Variants in MED1 observed in about 807,000 individuals in gnomAD.
MED1 encodes mediator complex subunit 1.
In MED1, 17 loss-of-function variants were observed where a neutral mutation model predicts 121.3. The observed-to-expected ratio is 0.14, with a 90% CI of 0.10 to 0.21. The LOEUF is 0.21. Among genes scored for constraint, MED1 ranks in the 10% least tolerant of loss-of-function variants. MED1 has a pLI of 1.00. For missense variants in MED1, 1,558 were observed against 1,919.4 expected (o/e 0.81, Z 3.52); for synonymous variants, 661 against 694.4 (o/e 0.95, Z 0.76).
At chr17:39,432,437 G>A (rs1418601814) in intron 7 of MED1, among the ~76,000 whole-genome samples, 1 of 151,064 alleles carries the variant, frequency 6.6e-6, no homozygotes, top group Non-Finnish European at 1.5e-5. Context: ...TAAATTGAAG[G>A]CAAAAATATA....
intron 14 of MED1, among the ~76,000 whole-genome samples, chr17:39,418,964 T>A (rs2048435876): frequency 6.6e-6 from 1 of 151,580 alleles, no homozygotes; most frequent in South Asian, 2.1e-4. Context: ...ATTTTTGTAT[T>A]TTTAGTAGAG....
Position 39,406,180 on chromosome 17 carries a change from T to C in MED1, c.*1295A>G. The C allele has an allele frequency of 1.0e-6, 1 of 985,470 alleles. No individual in the cohort carries two copies. Among genetic ancestry groups the C allele is most frequent in the Non-Finnish European group, 1.2e-6 (1 of 829,914 alleles). 61.0% of individuals were successfully genotyped at this position (985,470 alleles called of 1,614,324 possible). On this transcript the variant is annotated 3_prime_UTR_variant, in exon 17 of 17. Transcript: ENST00000300651. ...ATTTCTCCAAAAAGGTCCAATTGGG[T>C]TGCTACATAGTAGCAAGGGTTTATC... is the stretch of plus-strand genomic sequence containing the variant.
chr17:39,410,501 T>C lies in MED1; in HGVS notation c.1720A>G (p.Thr574Ala). 6.2e-7 allele frequency: 1 copy of C among 1,613,988 alleles called. No individual in the cohort carries two copies. Among genetic ancestry groups the C allele is most frequent in the Non-Finnish European group, 8.5e-7 (1 of 1,180,004 alleles). The change falls in exon 17 of 17, where the codon ACC becomes GCC. Residue 574 changes from threonine (T) to alanine (A), a missense_variant. Around this residue, in one of 5 missense-constraint regions of MED1, gnomAD observed 793 missense variants for 898.2 expected, o/e 0.88. Transcript: ENST00000300651. ...TNTFPGGPITTLFNMSMSIKD... is the reference protein window; with the variant it reads ...TNTFPGGPITALFNMSMSIKD... ...ATGCTCATGCTCATATTAAACAAGG[T>C]GGTAATGGGACCCCCCGGAAAGGTG...
rs1399073338 is a variant in MED1 at position 39,406,484 on chromosome 17, T to C, written c.*991A>G. ...AATCCTGTAATGGTTTTCATGCCACTGGGTCAGGAAGGCTGTCCTACACTA... is the reference window on the plus strand; with the variant it reads ...AATCCTGTAATGGTTTTCATGCCACCGGGTCAGGAAGGCTGTCCTACACTA... On this transcript the variant is annotated 3_prime_UTR_variant, in exon 17 of 17. Transcript: ENST00000300651. 4.1e-6 allele frequency: 4 copies of C among 985,226 alleles called. No homozygotes were observed. The highest frequency in any genetic ancestry group is 1.7e-5 in the African/African-American group (1 of 57,160). 61.0% of individuals were successfully genotyped at this position (985,226 alleles called of 1,614,324 possible). A position where few individuals can be genotyped will look rare whatever the true frequency, so the allele number is the denominator to read the frequency against.
Position 39,440,446 on chromosome 17 carries a change from C to T in MED1, c.339G>A (p.Gln113=). Residue 113 remains glutamine, a synonymous_variant, in exon 5 of 17, where the codon CAG becomes CAA. Coordinates refer to ENST00000300651, the MANE Select transcript of MED1 (RefSeq NM_004774.4). The surrounding 1 kb of genome is among the most constrained non-coding windows in gnomAD (Gnocchi z 4.1). The part of the protein sequence containing the change: ...ITSDMFYVEV[Q]LDPAGQLCDV... ...CACAAAGCTGTCCTGCAGGATCTAA[C>T]TGCACTTCCACATAGAACATATCTG... 2 of 1,595,964 alleles carry T rather than the reference C, an allele frequency of 1.3e-6. No individual in the cohort carries two copies. The highest frequency in any genetic ancestry group is 2.2e-5 in the East Asian group (1 of 44,806).
At chr17:39,430,732 A>C (rs2048558312) in intron 9 of MED1, among the ~76,000 whole-genome samples, 1 of 150,506 alleles carries the variant, frequency 6.6e-6, no homozygotes, top group Admixed American at 6.7e-5. Flanking sequence ...TTAACAAATA[A>C]ATAGGCTGGG....
In MED1 at chr17:39,408,054, C is replaced by G. The variant is rs759993853; in HGVS notation, c.4167G>C (p.Val1389=). The G allele has an allele frequency of 4.3e-6, 7 of 1,614,180 alleles. No homozygotes were observed. The highest frequency in any genetic ancestry group is 5.9e-6 in the Non-Finnish European group (7 of 1,180,034). Reference sequence around the variant, plus strand: ...CATGCTTACTGATGATAATTTTTGCCACACCTGTGCTCCCCACATTTTTTG... The same window carrying G: ...CATGCTTACTGATGATAATTTTTGCGACACCTGTGCTCCCCACATTTTTTG... ...SESKNVGSTG[V]AKIIISKHDG... Residue 1389 remains valine (V), a synonymous_variant, in exon 17 of 17, where the codon GTG becomes GTC. Transcript: ENST00000300651. The surrounding 1 kb of genome is among the most constrained non-coding windows in gnomAD (Gnocchi z 4.7).
At chr17:39,427,873 G>A (rs1325400655) in intron 9 of MED1, 83 bp from the exon 10 acceptor site, 3 of 851,010 alleles carry the variant, frequency 3.5e-6, no homozygotes, top group East Asian at 2.8e-5. Context: ...TATATAAACC[G>A]ATATTCAAGA....
intron 3 of MED1, among the ~76,000 whole-genome samples, chr17:39,443,142 T>C (rs1183734554): frequency 1.3e-5 from 2 of 150,752 alleles, no homozygotes; most frequent in African/African-American, 2.4e-5. Context: ...GCTGGGATTA[T>C]AGGTGCCCGC....
Position 39,406,690 on chromosome 17 carries a change from T to A in MED1, c.*785A>T. ...AAAATAAAAATATCATTTTGGTTTT[T>A]CTATTATATTTAACTCTAAAGGCGG... is the stretch of plus-strand genomic sequence containing the variant. On this transcript the variant is annotated 3_prime_UTR_variant, in exon 17 of 17. Transcript: ENST00000300651. The A allele has an allele frequency of 1.0e-6, 1 of 985,380 alleles. No individual in the cohort carries two copies. 61.0% of individuals were successfully genotyped at this position (985,380 alleles called of 1,614,324 possible). A position where few individuals can be genotyped will look rare whatever the true frequency, so the allele number is the denominator to read the frequency against.
intron 3 of MED1, among the ~76,000 whole-genome samples, chr17:39,441,156 G>A (rs2048671102): frequency 6.6e-6 from 1 of 152,126 alleles, no homozygotes; most frequent in Non-Finnish European, 1.5e-5. Flanking sequence ...TCTAATAAAT[G>A]CTTCAAAATA....
chr17:39,406,216 C>T lies in MED1; in HGVS notation c.*1259G>A, dbSNP rs2048302279. 5.1e-6 allele frequency: 5 copies of T among 985,386 alleles called. No individual in the cohort carries two copies. The highest frequency in any genetic ancestry group is 1.7e-5 in the African/African-American group (1 of 57,214). The allele number at this position is 985,386 out of a possible 1,614,324, so 61.0% of individuals were successfully genotyped here. On this transcript the variant is annotated 3_prime_UTR_variant, in exon 17 of 17. Transcript: ENST00000300651. ...TAGCAAGGGTTTATCTTCATGCTCACCTAGCATTCCAGGCCCCCATTACTT... is the reference window on the plus strand; with the variant it reads ...TAGCAAGGGTTTATCTTCATGCTCATCTAGCATTCCAGGCCCCCATTACTT...
At chr17:39,419,450 C>T (rs1353416690) in intron 14 of MED1, among the ~76,000 whole-genome samples, 1 of 151,354 alleles carries the variant, frequency 6.6e-6, no homozygotes, top group African/African-American at 2.4e-5. Context: ...CTCTGTCACC[C>T]AGGCTGGAGT....
chr17:39,447,856 G>A lies in MED1; in HGVS notation c.74C>T (p.Ala25Val), dbSNP rs201621617. 3 of 1,613,760 alleles carry A rather than the reference G, an allele frequency of 1.9e-6. No individual in the cohort carries two copies. In the East Asian group the frequency reaches 6.7e-5, roughly 36 times the overall value. The change falls in exon 2 of 17, where the codon GCA becomes GTA. Residue 25 changes from alanine to valine, a missense_variant. Ala to Val is a moderately conservative substitution (Grantham distance 64, BLOSUM62 0). Coordinates refer to ENST00000300651, the MANE Select transcript of MED1 (RefSeq NM_004774.4). ...CCAGGGTCTATTTTGGTTAAATTTTGCATGGAGCCGTTCCAGGAGAGAACT... is the reference window on the plus strand; with the variant it reads ...CCAGGGTCTATTTTGGTTAAATTTTACATGGAGCCGTTCCAGGAGAGAACT... ...KMSSLLERLH[A>V]KFNQNRPWSE...
At chr17:39,419,437 T>G (rs1261852727) in intron 14 of MED1, among the ~76,000 whole-genome samples, 2 of 151,156 alleles carry the variant, frequency 1.3e-5, no homozygotes. Flanking sequence ...AGACAGAGTC[T>G]TGCTCTGTCA....
chr17:39,447,653 TAG>T (rs2048741411), intron 2 of MED1, 143 bp downstream of exon 2: 1 of 507,320 alleles, frequency 2.0e-6, no homozygotes, highest in African/African-American at 1.9e-5. Context: ...ACCTGTAGTA[TAG>T]ATACAATAGA....
Position 39,409,688 on chromosome 17 carries a change from C to T in MED1, c.2533G>A (p.Ala845Thr). The change falls in exon 17 of 17, where the codon GCT becomes ACT. Residue 845 changes from alanine (A) to threonine (T), a missense_variant. Ala to Thr is a moderately conservative substitution (Grantham distance 58). Coordinates refer to ENST00000300651, the MANE Select transcript of MED1 (RefSeq NM_004774.4). ...GAGTCACTACTGGGGCTTCCAGCAG[C>T]ATCTGCAATAAGATCAGCTGGATCA... Reference protein sequence around the residue: ...YTDPADLIADAAGSPSSDSPT... With the variant: ...YTDPADLIADTAGSPSSDSPT... 1 of 1,614,108 alleles carries T rather than the reference C, an allele frequency of 6.2e-7. No individual in the cohort carries two copies. The highest frequency in any genetic ancestry group is 8.5e-7 in the Non-Finnish European group (1 of 1,180,032).
chr17:39,449,004 G>C (rs1035569162), intron 1 of MED1, among the ~76,000 whole-genome samples: 15 of 151,456 alleles, frequency 9.9e-5, no homozygotes, highest in Admixed American at 7.9e-4. Context: ...TTTTACACTT[G>C]TTGTCTCCTT....
chr17:39,423,631 A>C, intron 12 of MED1, 66 bp downstream of exon 12: 1 of 1,602,732 alleles, frequency 6.2e-7, no homozygotes, highest in African/African-American at 1.3e-5. Context: ...ACGTCATGAT[A>C]ACCTGACTTT....
Sources: allele counts gnomAD v4.1 joint callset (sites outside exome capture counted in the v4.1 genomes callset), GRCh38; gene constraint gnomAD v4.1.1; regional missense constraint gnomAD v4.1.1; non-coding constraint Gnocchi (gnomAD v3.1); transcripts MANE v1.5; gene names NCBI Gene and HGNC (gene_info 2026-07-23, HGNC 2026-07-21).